PARVA: variants seen among roughly 807,000 people sequenced by gnomAD.
The protein encoded by PARVA is alpha-parvin.
A neutral mutation model predicts 52.6 loss-of-function variants in PARVA; 25 were observed. The observed-to-expected ratio is 0.48, with a 90% CI of 0.35 to 0.66. The LOEUF is 0.66. Ranked by LOEUF, PARVA falls within the 30% of genes least tolerant of loss-of-function variation. PARVA has a pLI of 0.01. For synonymous variants in PARVA, 185 were observed against 179.1 expected, an observed-to-expected ratio of 1.03 and a Z score of -0.26; for missense variants, 373 against 450.9, an observed-to-expected ratio of 0.83 and a Z score of 1.56.
chr11:12,441,516 G>A (rs983714617), intron 1 of PARVA, among the ~76,000 whole-genome samples: 1 of 152,080 alleles, frequency 6.6e-6, no homozygotes, highest in African/African-American at 2.4e-5. Context: ...GTTAAAATGA[G>A]TGGTTTTGGT....
intron 1 of PARVA, among the ~76,000 whole-genome samples, chr11:12,381,766 G>A (rs1939490283): frequency 6.6e-6 from 1 of 152,226 alleles, no homozygotes; most frequent in South Asian, 2.1e-4. Context: ...AAACTGTGCT[G>A]CATTACTGAT....
At chr11:12,377,406 G>A, upstream of PARVA, 2 of 1,362,566 alleles carry the variant, frequency 1.5e-6, no homozygotes, top group Non-Finnish European at 1.9e-6. Flanking sequence ...CCCTGCTTGG[G>A]GCAACCCAGG....
At chr11:12,442,807 A>G (rs1021860723) in intron 1 of PARVA, among the ~76,000 whole-genome samples, 1 of 151,996 alleles carries the variant, frequency 6.6e-6, no homozygotes, top group African/African-American at 2.4e-5. Flanking sequence ...TCCAAAAGCC[A>G]TGGGACAACG....
intron 10 of PARVA, among the ~76,000 whole-genome samples, chr11:12,515,478 C>T (rs1270367280): frequency 2.0e-5 from 3 of 152,174 alleles, no homozygotes; most frequent in South Asian, 2.1e-4. Flanking sequence ...TTTTCAAGGG[C>T]AGGGAGTGCT....
upstream of PARVA, among the ~76,000 whole-genome samples, chr11:12,376,923 C>T (rs539012865): frequency 6.6e-6 from 1 of 152,260 alleles, no homozygotes; most frequent in South Asian, 2.1e-4. Context: ...ATGTTTCCAC[C>T]ACCACGTGGG....
intron 1 of PARVA, among the ~76,000 whole-genome samples, chr11:12,402,747 T>C (rs987179726): frequency 1.3e-5 from 2 of 152,220 alleles, no homozygotes; most frequent in African/African-American, 4.8e-5. Context: ...GATGTTGACA[T>C]GTACATTCTG....
chr11:12,411,126 C>T (rs1939987014), intron 1 of PARVA, among the ~76,000 whole-genome samples: 1 of 152,194 alleles, frequency 6.6e-6, no homozygotes, highest in South Asian at 2.1e-4. Context: ...TAACTTATAA[C>T]AGTTATAAAG....
chr11:12,444,823 A>G (rs1940522963), intron 1 of PARVA, among the ~76,000 whole-genome samples: 1 of 152,198 alleles, frequency 6.6e-6, no homozygotes, highest in South Asian at 2.1e-4. Context: ...GGGAAAAGAA[A>G]GCAGCTAGGA....
chr11:12,397,703 C>T (rs1452502958), intron 1 of PARVA, among the ~76,000 whole-genome samples: 1 of 152,160 alleles, frequency 6.6e-6, no homozygotes, highest in Non-Finnish European at 1.5e-5. Context: ...TTCTCAGGCT[C>T]CTAGCTTCAG....
chr11:12,405,684 C>G (rs576808087), intron 1 of PARVA, among the ~76,000 whole-genome samples: 1 of 152,318 alleles, frequency 6.6e-6, no homozygotes, highest in Non-Finnish European at 1.5e-5. Context: ...GAGCTGGACA[C>G]AGTGGCTCAC....
intron 1 of PARVA, among the ~76,000 whole-genome samples, chr11:12,394,617 G>T (rs935349018): frequency 1.7e-4 from 26 of 152,200 alleles, no homozygotes; most frequent in Non-Finnish European, 1.5e-4. Context: ...TTGTAGAATG[G>T]TGGTGGGTAT....
At chr11:12,494,159 A>C (rs1941266747) in intron 4 of PARVA, among the ~76,000 whole-genome samples, 1 of 152,254 alleles carries the variant, frequency 6.6e-6, no homozygotes, top group South Asian at 2.1e-4. Context: ...CAGAGCTTCC[A>C]TGCTTTCTCA....
chr11:12,483,970 C>A (rs747870629), intron 4 of PARVA, among the ~76,000 whole-genome samples: 1 of 152,180 alleles, frequency 6.6e-6, no homozygotes, highest in Non-Finnish European at 1.5e-5. Flanking sequence ...AGGATTACCC[C>A]CTTCCAGGGT....
chr11:12,403,911 T>C (rs116354959), intron 1 of PARVA, among the ~76,000 whole-genome samples: 2,453 of 152,280 alleles, frequency 0.016, 65 homozygotes, highest in African/African-American at 0.056. Context: ...TTTTTAACCC[T>C]CTCTCACCAA....
At chr11:12,425,875 G>A (rs1205040810) in intron 1 of PARVA, among the ~76,000 whole-genome samples, 1 of 152,198 alleles carries the variant, frequency 6.6e-6, no homozygotes, top group Non-Finnish European at 1.5e-5. Flanking sequence ...AGTAAAATCT[G>A]TGGCCAAGGA....
chr11:12,384,336 T>C (rs78254742), intron 1 of PARVA, among the ~76,000 whole-genome samples: 8,395 of 152,268 alleles, frequency 0.055, 716 homozygotes, highest in African/African-American at 0.19. Flanking sequence ...ATCCATTATT[T>C]CCATTCTTTC....
At chr11:12,419,355 G>A (rs1281758890) in intron 1 of PARVA, among the ~76,000 whole-genome samples, 5 of 151,668 alleles carry the variant, frequency 3.3e-5, no homozygotes, top group Admixed American at 1.3e-4. Flanking sequence ...CCTCCTATGA[G>A]TGGAATCGTA....
chr11:12,483,812 G>A (rs530562031), intron 4 of PARVA, among the ~76,000 whole-genome samples: 1 of 152,286 alleles, frequency 6.6e-6, no homozygotes, highest in African/African-American at 2.4e-5. Context: ...TGCCAGCAAC[G>A]CTGGCCTGCC....
intron 1 of PARVA, among the ~76,000 whole-genome samples, chr11:12,413,888 A>G (rs1477338180): frequency 6.6e-6 from 1 of 152,238 alleles, no homozygotes; most frequent in Non-Finnish European, 1.5e-5. Context: ...CCAGAGAACA[A>G]AGCAGTTTCT....
Sources: gnomAD v4.1 joint callset for allele counts (sites outside exome capture counted in the v4.1 genomes callset) on GRCh38, gnomAD v4.1.1 for gene constraint, MANE v1.5 for transcripts, NCBI Gene and HGNC (gene_info 2026-07-23, HGNC 2026-07-21) for gene names.